The following PEX10 variants were observed in gnomAD, a reference collection of about 807,000 sequenced individuals.
PEX10 encodes the protein peroxisomal biogenesis factor 10.
PEX10 carries 32 observed loss-of-function variants against 38.0 expected under a neutral mutation model. That is an observed-to-expected ratio of 0.84 (90% CI 0.63 to 1.13). The LOEUF (loss-of-function observed/expected upper bound fraction) is 1.13. Among genes scored for constraint, PEX10 ranks in the 50% most tolerant of loss-of-function variants. The probability of loss-of-function intolerance (pLI) is 0.00; values close to 1 mark genes in which losing one functional copy is unlikely to be tolerated. For synonymous variants in PEX10, 206 were observed against 207.3 expected, an observed-to-expected ratio of 0.99 and a Z score of 0.05; for missense variants, 483 against 457.7, an observed-to-expected ratio of 1.06 and a Z score of -0.51.
rs1643118442 is a variant in PEX10, at chr1:2,409,577, C to G, written c.194-719G>C. 6.3e-6 allele frequency: 1 copy of G among 159,536 alleles called. No homozygotes were observed. The highest frequency in any genetic ancestry group is 2.4e-5 in the African/African-American group (1 of 41,530). 9.9% of individuals were successfully genotyped at this position (159,536 alleles called of 1,614,324 possible). ...AGTCTCCCTGAGCCCAACTTTGTCC[C>G]CTGAGGTCTGGTCTTAGCTAGTGGT... On this transcript the variant is annotated intron_variant, in intron 2 of 5. Coordinates refer to ENST00000447513, the MANE Select transcript of PEX10 (RefSeq NM_002617.4). This position sits in a 1 kb window ranked among gnomAD's most constrained non-coding sequence, Gnocchi z 6.2.
rs754329521 is a variant in PEX10 at position 2,406,802 on chromosome 1, T to C, written c.694A>G (p.Met232Val). Residue 232 changes from methionine to valine, a missense_variant, in exon 4 of 6, where the codon ATG becomes GTG. Coordinates refer to ENST00000447513, the MANE Select transcript of PEX10 (RefSeq NM_002617.4). ...VISLLHLVLSMGLQLYGFRQR... is the reference protein window; with the variant it reads ...VISLLHLVLSVGLQLYGFRQR... ...CTGAAACCGTACAGCTGCAGCCCCATGGACAGCACCAGGTGCAGCAGTGAG... is the reference window on the plus strand; with the variant it reads ...CTGAAACCGTACAGCTGCAGCCCCACGGACAGCACCAGGTGCAGCAGTGAG... 11 of 1,611,088 alleles carry C rather than the reference T, an allele frequency of 6.8e-6. No individual in the cohort carries two copies. Among genetic ancestry groups the C allele is most frequent in the South Asian group, 1.1e-5 (1 of 90,660 alleles).
Position 2,408,843 on chromosome 1 carries a change from C to G in PEX10, c.209G>C (p.Gly70Ala). The G allele has an allele frequency of 6.2e-7, 1 of 1,614,014 alleles. No individual in the cohort carries two copies. Among genetic ancestry groups the G allele is most frequent in the Non-Finnish European group, 8.5e-7 (1 of 1,179,920 alleles). The change falls in exon 3 of 6, where the codon GGG (glycine) becomes GCG (alanine). Residue 70 changes from glycine to alanine, a missense_variant. Physicochemically the swap from Gly to Ala is moderately conservative, Grantham distance 60 (BLOSUM62 0). Coordinates refer to ENST00000447513, the MANE Select transcript of PEX10 (RefSeq NM_002617.4). ...LTTLAGYQTL[G>A]EEYVSIIQVD... Reference sequence around the variant, plus strand: ...CTGGATGATGCTGACGTACTCCTCCCCCAGGGTCTGGTAGCCTGCGAGGAA... The same window carrying G: ...CTGGATGATGCTGACGTACTCCTCCGCCAGGGTCTGGTAGCCTGCGAGGAA...
chr1:2,412,937 G>A (rs1643319474), upstream of PEX10, among the ~76,000 whole-genome samples: 1 of 152,234 alleles, frequency 6.6e-6, no homozygotes, highest in African/African-American at 2.4e-5. Context: ...GAGTGGAGAC[G>A]CTGCAGGCCC....
rs1200333124 is a variant in PEX10, at chr1:2,410,397, G to C, written c.167C>G (p.Ala56Gly). The stretch of plus-strand genomic sequence containing the variant: ...TGCAAGTGTGGTGAGGCCAAAGTAG[G>C]CCACATCTGAGAGCAGCTCAACCTC... ...RKEVELLSDVAYFGLTTLAGY... is the reference protein window; with the variant it reads ...RKEVELLSDVGYFGLTTLAGY... The change falls in exon 2 of 6, where the codon GCC becomes GGC. Residue 56 changes from alanine to glycine, a missense_variant. Ala to Gly is a moderately conservative substitution (Grantham distance 60, BLOSUM62 0). Coordinates refer to ENST00000447513, the MANE Select transcript of PEX10 (RefSeq NM_002617.4). This position sits in a 1 kb window ranked among gnomAD's most constrained non-coding sequence, Gnocchi z 5.1. The C allele has an allele frequency of 6.2e-7, 1 of 1,614,082 alleles. No individual in the cohort carries two copies. Among genetic ancestry groups the C allele is most frequent in the South Asian group, 1.1e-5 (1 of 91,090 alleles).
At chr1:2,408,322 T>C in intron 3 of PEX10, 130 bp downstream of exon 3, 1 of 1,032,802 alleles carries the variant, frequency 9.7e-7, no homozygotes, top group East Asian at 2.4e-5. Context: ...GTTCCTGCCT[T>C]GACACAGATG....
Position 2,410,455 on chromosome 1 carries a change from A to G in PEX10, c.113-4T>C. The G allele has an allele frequency of 6.2e-7, 1 of 1,613,390 alleles. No homozygotes were observed. The highest frequency in any genetic ancestry group is 2.2e-5 in the East Asian group (1 of 44,874). ...CACTCCAGCCACTTCCTCGCACCTG[A>G]GAGGAGAAACAGTATTAGTCCGGGG... On this transcript the variant is annotated splice_region_variant and splice_polypyrimidine_tract_variant and intron_variant, in intron 1 of 5. Transcript: ENST00000447513. The surrounding 1 kb of genome is among the most constrained non-coding windows in gnomAD (Gnocchi z 5.1).
rs997920709 is a variant in PEX10, at chr1:2,410,227, C to T, written c.193+144G>A. The T allele has an allele frequency of 1.4e-6, 1 of 727,910 alleles. No homozygotes were observed. The highest frequency in any genetic ancestry group is 2.5e-6 in the Non-Finnish European group (1 of 404,688). The allele number at this position is 727,910 out of a possible 1,614,324, so 45.1% of individuals were successfully genotyped here. ...AGCAGATGCCTCGCCTCCCTCGGAG[C>T]AGTACCTCCTGCACTTCCCTGAAGC... is the stretch of plus-strand genomic sequence containing the variant. On this transcript the variant is annotated intron_variant, in intron 2 of 5. Transcript: ENST00000447513. The surrounding 1 kb of genome is among the most constrained non-coding windows in gnomAD (Gnocchi z 5.1).
chr1:2,409,319 G>T lies in PEX10; in HGVS notation c.194-461C>A, dbSNP rs1357466510. On this transcript the variant is annotated intron_variant, in intron 2 of 5. Transcript: ENST00000447513. The surrounding 1 kb of genome is among the most constrained non-coding windows in gnomAD (Gnocchi z 6.2). Reference sequence around the variant, plus strand: ...TCCGCCACCTACCTGACATCGCCATGTATGCTCAGATGAGCACCCCAATTC... The same window carrying T: ...TCCGCCACCTACCTGACATCGCCATTTATGCTCAGATGAGCACCCCAATTC... Among the ~76,000 whole-genome samples, 1 of 152,130 alleles carries T rather than the reference G, an allele frequency of 6.6e-6. No homozygotes were observed. The highest frequency in any genetic ancestry group is 2.4e-5 in the African/African-American group (1 of 41,428).
At chr1:2,412,321 A>G in intron 1 of PEX10, 70 bp downstream of exon 1, 1 of 1,289,862 alleles carries the variant, frequency 7.8e-7, no homozygotes, top group Non-Finnish European at 9.8e-7. Context: ...CACGGCAGAC[A>G]CCCCGCCTCC....
In PEX10 at chr1:2,405,671, T is replaced by C; in HGVS notation, c.*95A>G. Reference sequence around the variant, plus strand: ...ACATGACAAAAAACTGAGAGTGTTCTAACTTCTGTGCAAGCAAGGTTAATC... The same window carrying C: ...ACATGACAAAAAACTGAGAGTGTTCCAACTTCTGTGCAAGCAAGGTTAATC... On this transcript the variant is annotated 3_prime_UTR_variant, in exon 6 of 6. Transcript: ENST00000447513. 2.6e-6 allele frequency: 3 copies of C among 1,132,720 alleles called. No individual in the cohort carries two copies. The highest frequency in any genetic ancestry group is 2.0e-5 in the Admixed American group (1 of 50,556). 70.2% of individuals were successfully genotyped at this position (1,132,720 alleles called of 1,614,324 possible). A position where few individuals can be genotyped will look rare whatever the true frequency, so the allele number is the denominator to read the frequency against.
rs369643163 is a variant in PEX10, at chr1:2,406,898, G to T, written c.601-3C>A. 1 of 1,608,034 alleles carries T rather than the reference G, an allele frequency of 6.2e-7. No homozygotes were observed. The highest frequency in any genetic ancestry group is 1.1e-5 in the South Asian group (1 of 89,916). Reference sequence around the variant, plus strand: ...CCGGGCAGGCTGCGGACACGGAGCTGTAAGGCAGATGGCGCCACACTCATC... The same window carrying T: ...CCGGGCAGGCTGCGGACACGGAGCTTTAAGGCAGATGGCGCCACACTCATC... On this transcript the variant is annotated splice_region_variant and splice_polypyrimidine_tract_variant and intron_variant, in intron 3 of 5. Coordinates refer to ENST00000447513, the MANE Select transcript of PEX10 (RefSeq NM_002617.4).
chr1:2,406,490 G>C lies in PEX10; in HGVS notation c.906C>G (p.Ser302Arg). 6.2e-7 allele frequency: 1 copy of C among 1,611,930 alleles called. No individual in the cohort carries two copies. The highest frequency in any genetic ancestry group is 8.5e-7 in the Non-Finnish European group (1 of 1,179,970). The change falls in exon 5 of 6, where the codon AGC (serine) becomes AGG (arginine). Residue 302 changes from serine (S) to arginine (R), a missense_variant. Transcript: ENST00000447513. ...CAGCAGGCTCCCACCTCACCTTGCT[G>C]CTGCACCACGCGGTGATGCACTCCC... ...FCWECITAWCSSKAECPLCRE... is the reference protein window; with the variant it reads ...FCWECITAWCRSKAECPLCRE...
rs760632208 is a variant in PEX10 at position 2,406,724 on chromosome 1, G to C, written c.772C>G (p.Arg258Gly). Residue 258 changes from arginine to glycine, a missense_variant, in exon 4 of 6, where the codon CGC becomes GGC. Arg to Gly is a moderately radical substitution (Grantham distance 125). Coordinates refer to ENST00000447513, the MANE Select transcript of PEX10 (RefSeq NM_002617.4). The stretch of plus-strand genomic sequence containing the variant: ...ATGTGTGGCCCCCGCACGCACCTGC[G>C]GTGAGACAGGCCGCGGTGCAGCCTC... ...EWRLHRGLSH[R>G]RASLEERAVS... is the part of the protein sequence containing the mutation. 6.2e-6 allele frequency: 10 copies of C among 1,608,776 alleles called. No individual in the cohort carries two copies. The Admixed American group carries it at 1.7e-4, about 27-fold the overall frequency.
intron 3 of PEX10, among the ~76,000 whole-genome samples, chr1:2,408,161 C>G (rs993511055): frequency 6.6e-5 from 10 of 152,088 alleles, no homozygotes; most frequent in Non-Finnish European, 1.5e-4. Flanking sequence ...GACCCGGGGC[C>G]CCCCGGTCAG....
Position 2,405,592 on chromosome 1 carries a change from G to A in PEX10, c.*174C>T. On this transcript the variant is annotated 3_prime_UTR_variant, in exon 6 of 6. Coordinates refer to ENST00000447513, the MANE Select transcript of PEX10 (RefSeq NM_002617.4). ...AGGCGCCCCTCCCAGGGCTGAGAAA[G>A]CGCAGCCAGGGACAGCTTTCTGTTC... The A allele has an allele frequency of 1.4e-6, 1 of 724,978 alleles. No homozygotes were observed. 44.9% of individuals were successfully genotyped at this position (724,978 alleles called of 1,614,324 possible).
Position 2,406,612 on chromosome 1 carries a change from A to C in PEX10, c.784T>G (p.Leu262Val), listed in dbSNP as rs768340395. The C allele has an allele frequency of 6.2e-7, 1 of 1,613,322 alleles. No individual in the cohort carries two copies. The highest frequency in any genetic ancestry group is 1.7e-5 in the Admixed American group (1 of 60,012). Residue 262 changes from leucine to valine, a missense_variant, in exon 5 of 6, where the codon TTG (leucine) becomes GTG (valine). Leu to Val is a conservative substitution (Grantham distance 32). Coordinates refer to ENST00000447513, the MANE Select transcript of PEX10 (RefSeq NM_002617.4). The part of the protein sequence containing the change: ...HRGLSHRRAS[L>V]EERAVSRNPL... ...TTTCTGGAAACGGCTCTCTCCTCCAAGGAGGCCCTGGGGAAGGTGGGGCAG... is the reference window on the plus strand; with the variant it reads ...TTTCTGGAAACGGCTCTCTCCTCCACGGAGGCCCTGGGGAAGGTGGGGCAG...
In PEX10 at chr1:2,410,450, A is replaced by C. The variant is rs1365540789; in HGVS notation, c.114T>G (p.Gly38=). 4 of 1,613,902 alleles carry C rather than the reference A, an allele frequency of 2.5e-6. No individual in the cohort carries two copies. The East Asian group carries it at 8.9e-5, about 36-fold the overall frequency. The stretch of plus-strand genomic sequence containing the variant: ...TCCTCCACTCCAGCCACTTCCTCGC[A>C]CCTGAGAGGAGAAACAGTATTAGTC... ...AAGGALHSLA[G]ARKWLEWRKE... The change falls in exon 2 of 6, where the codon GGT becomes GGG. Residue 38 remains glycine, a splice_region_variant and synonymous_variant. Coordinates refer to ENST00000447513, the MANE Select transcript of PEX10 (RefSeq NM_002617.4). The surrounding 1 kb of genome is among the most constrained non-coding windows in gnomAD (Gnocchi z 5.1).
Position 2,405,604 on chromosome 1 carries a change from A to G in PEX10, c.*162T>C. The G allele has an allele frequency of 1.3e-6, 1 of 747,044 alleles. No individual in the cohort carries two copies. The highest frequency in any genetic ancestry group is 2.3e-6 in the Non-Finnish European group (1 of 426,656). 46.3% of individuals were successfully genotyped at this position (747,044 alleles called of 1,614,324 possible). A position where few individuals can be genotyped will look rare whatever the true frequency, so the allele number is the denominator to read the frequency against. On this transcript the variant is annotated 3_prime_UTR_variant, in exon 6 of 6. Transcript: ENST00000447513. Reference sequence around the variant, plus strand: ...CAGGGCTGAGAAAGCGCAGCCAGGGACAGCTTTCTGTTCTCTCCCAGGGTG... The same window carrying G: ...CAGGGCTGAGAAAGCGCAGCCAGGGGCAGCTTTCTGTTCTCTCCCAGGGTG...
In PEX10 at chr1:2,410,671, T is replaced by C; in HGVS notation, c.113-220A>G. ...GACAGTCTGCGAAGAATCTCCCACC[T>C]GTGCTCATCTCTTGCTCCGGGATTC... On this transcript the variant is annotated intron_variant, in intron 1 of 5. Coordinates refer to ENST00000447513, the MANE Select transcript of PEX10 (RefSeq NM_002617.4). This position sits in a 1 kb window ranked among gnomAD's most constrained non-coding sequence, Gnocchi z 5.1. 1.6e-6 allele frequency: 1 copy of C among 613,624 alleles called. No homozygotes were observed. Among genetic ancestry groups the C allele is most frequent in the South Asian group, 1.5e-5 (1 of 65,344 alleles). The allele number at this position is 613,624 out of a possible 1,614,324, so 38.0% of individuals were successfully genotyped here.
Sources: allele counts gnomAD v4.1 joint callset (sites outside exome capture counted in the v4.1 genomes callset), GRCh38; gene constraint gnomAD v4.1.1; non-coding constraint Gnocchi (gnomAD v3.1); transcripts MANE v1.5; gene names NCBI Gene and HGNC (gene_info 2026-07-23, HGNC 2026-07-21).